The following PAK5 variants were observed in gnomAD, a reference collection of about 807,000 sequenced individuals.
PAK5 encodes the protein serine/threonine-protein kinase PAK 5.
Under a neutral mutation model 65.9 loss-of-function variants are expected in PAK5, and 16 were observed. The observed-to-expected ratio is 0.24, with a 90% CI of 0.16 to 0.37. The LOEUF (loss-of-function observed/expected upper bound fraction) is 0.37. PAK5 is among the 10% of genes least tolerant of loss of function. The pLI is 1.00. For synonymous variants in PAK5, 371 were observed against 354.9 expected (o/e 1.05, Z -0.51); for missense variants, 785 against 903.9 (o/e 0.87, Z 1.69).
chr20:9,765,436 A>C (rs2057776879), intron 1 of PAK5, among the ~76,000 whole-genome samples: 1 of 152,052 alleles, frequency 6.6e-6, no homozygotes, highest in Admixed American at 6.6e-5. Flanking sequence ...ATCCCTCCCT[A>C]GCCTCCATTT....
intron 3 of PAK5, among the ~76,000 whole-genome samples, chr20:9,605,929 C>CA (rs1353815071): frequency 1.3e-5 from 2 of 151,116 alleles, no homozygotes; most frequent in Non-Finnish European, 3.0e-5. Flanking sequence ...GACTCCATCT[C>CA]AAAAAAAAGT....
rs189220561 is a variant in PAK5 at position 9,813,361 on chromosome 20, C to T, written c.-162+25401G>A. 1.7e-4 allele frequency among the ~76,000 whole-genome samples: 26 copies of T among 151,094 alleles called. No homozygotes were observed. In the East Asian group the frequency reaches 4.4e-3, roughly 26 times the overall value. On this transcript the variant is annotated intron_variant, in intron 1 of 9. Transcript: ENST00000353224. ...GGGTGTATATTGTAAGACAGGTATA[C>T]CTCAATAAAGCTCAAAAATAAAATA...
At chr20:9,677,879 C>A (rs1225329309) in intron 2 of PAK5, among the ~76,000 whole-genome samples, 4 of 152,124 alleles carry the variant, frequency 2.6e-5, no homozygotes, top group Non-Finnish European at 5.9e-5. Context: ...AGGTATTAGG[C>A]CTACTGTTAG....
chr20:9,772,470 A>ACG, intron 1 of PAK5, among the ~76,000 whole-genome samples: 1 of 118,766 alleles, frequency 8.4e-6, no homozygotes, highest in East Asian at 2.6e-4. Context: ...GCCATTGGTC[A>ACG]GAGGTCAATG....
At chr20:9,600,633 C>T (rs964672986) in intron 3 of PAK5, among the ~76,000 whole-genome samples, 39 of 152,220 alleles carry the variant, frequency 2.6e-4, no homozygotes, top group Non-Finnish European at 4.7e-4. Flanking sequence ...AGGCCACTGA[C>T]TCTAAGGCTG....
At chr20:9,590,200 G>A (rs1269383931) in intron 3 of PAK5, among the ~76,000 whole-genome samples, 1 of 152,074 alleles carries the variant, frequency 6.6e-6, no homozygotes, top group Non-Finnish European at 1.5e-5. Context: ...CAAACTCCTG[G>A]CCTCAAGTGA....
At chr20:9,767,417 C>G (rs1319112293) in intron 1 of PAK5, among the ~76,000 whole-genome samples, 1 of 152,172 alleles carries the variant, frequency 6.6e-6, no homozygotes, top group East Asian at 1.9e-4. Flanking sequence ...GAGTTCCTCA[C>G]CCAGCCACAT....
intron 2 of PAK5, among the ~76,000 whole-genome samples, chr20:9,691,720 C>T (rs2047800205): frequency 6.6e-6 from 1 of 152,122 alleles, no homozygotes; most frequent in African/African-American, 2.4e-5. Context: ...CAAATGTACT[C>T]CAATAAAAGT....
chr20:9,690,754 T>TC (rs1569042310), intron 2 of PAK5, among the ~76,000 whole-genome samples: 1 of 109,794 alleles, frequency 9.1e-6, no homozygotes, highest in African/African-American at 5.3e-5. Flanking sequence ...TTCTTTCTTT[T>TC]TTTTTTTTTT....
Position 9,538,567 on chromosome 20 carries a change from A to T in PAK5, c.*895T>A, listed in dbSNP as rs1036296034. ...TGCTCCCTGGGAGGGAAATTTGGCC[A>T]CAAGGGAACATTGTACCCATTTGAG... On this transcript the variant is annotated 3_prime_UTR_variant, in exon 10 of 10. Transcript: ENST00000353224. The T allele has an allele frequency of 1.3e-5, 3 of 233,212 alleles. No homozygotes were observed. The highest frequency in any genetic ancestry group is 6.6e-5 in the African/African-American group (3 of 45,342). The allele number at this position is 233,212 out of a possible 1,614,324, so 14.4% of individuals were successfully genotyped here. A position where few individuals can be genotyped will look rare whatever the true frequency, so the allele number is the denominator to read the frequency against.
chr20:9,622,364 A>G (rs187394694), intron 3 of PAK5, among the ~76,000 whole-genome samples: 126 of 152,320 alleles, frequency 8.3e-4, no homozygotes, highest in Non-Finnish European at 1.4e-3. Flanking sequence ...CATCCTCAAC[A>G]TATTTCCAGA....
At chr20:9,759,491 G>C (rs1436354389) in intron 1 of PAK5, among the ~76,000 whole-genome samples, 3 of 152,144 alleles carry the variant, frequency 2.0e-5, no homozygotes, top group South Asian at 2.1e-4. Flanking sequence ...ATTTAAGGGA[G>C]AGATTGTTAA....
intron 4 of PAK5, among the ~76,000 whole-genome samples, chr20:9,570,537 G>C (rs967759546): frequency 1.3e-5 from 2 of 152,202 alleles, no homozygotes; most frequent in African/African-American, 4.8e-5. Context: ...ATGGAATGGG[G>C]AGAGAGAAGT....
At chr20:9,556,599 T>G (rs2122950904) in intron 7 of PAK5, among the ~76,000 whole-genome samples, 1 of 152,340 alleles carries the variant, frequency 6.6e-6, no homozygotes, top group Middle Eastern at 3.4e-3. Flanking sequence ...GGTATAGAGC[T>G]ATGCTTTGAA....
At chr20:9,715,596 C>T (rs1045381859) in intron 1 of PAK5, among the ~76,000 whole-genome samples, 3 of 151,890 alleles carry the variant, frequency 2.0e-5, no homozygotes, top group Admixed American at 6.6e-5. Context: ...CACATGCACA[C>T]GTATGTTTAT....
chr20:9,587,804 A>C (rs1002819719), intron 3 of PAK5, among the ~76,000 whole-genome samples: 3 of 152,174 alleles, frequency 2.0e-5, no homozygotes, highest in Non-Finnish European at 4.4e-5. Context: ...GGTTACCTTT[A>C]TAACAAAAAA....
intron 3 of PAK5, among the ~76,000 whole-genome samples, chr20:9,620,151 T>C (rs1432066415): frequency 6.6e-6 from 1 of 152,216 alleles, no homozygotes; most frequent in Non-Finnish European, 1.5e-5. Context: ...CACCACAGCC[T>C]TTATTTGCCC....
intron 1 of PAK5, among the ~76,000 whole-genome samples, chr20:9,819,522 A>G (rs1468465991): frequency 6.6e-6 from 1 of 152,184 alleles, no homozygotes; most frequent in Non-Finnish European, 1.5e-5. Context: ...CTATAATTAT[A>G]TTGCTCAATT....
At chr20:9,760,210 C>A (rs567955619) in intron 1 of PAK5, among the ~76,000 whole-genome samples, 2 of 152,106 alleles carry the variant, frequency 1.3e-5, no homozygotes, top group East Asian at 3.9e-4. Context: ...AAAATTAGAG[C>A]CAAAAACAGA....
Sources: allele counts gnomAD v4.1 joint callset (sites outside exome capture counted in the v4.1 genomes callset), GRCh38; gene constraint gnomAD v4.1.1; transcripts MANE v1.5; gene names NCBI Gene and HGNC (gene_info 2026-07-23, HGNC 2026-07-21).